The following STPG4 variants were observed in gnomAD, a reference collection of about 807,000 sequenced individuals.
STPG4 encodes sperm-tail PG-rich repeat containing 4.
In STPG4, 41 loss-of-function variants were observed where a neutral mutation model predicts 31.5. That is an observed-to-expected ratio of 1.30 (90% CI 1.01 to 1.69). The LOEUF (loss-of-function observed/expected upper bound fraction) is 1.69, where lower values mean the gene tolerates loss of function less well. STPG4 is among the 40% of genes most tolerant of loss of function. The probability of loss-of-function intolerance (pLI) is 0.00; values close to 1 mark genes in which losing one functional copy is unlikely to be tolerated. For synonymous variants in STPG4, 141 were observed against 103.0 expected, an observed-to-expected ratio of 1.37 and a Z score of -2.24; for missense variants, 375 against 293.4, an observed-to-expected ratio of 1.28 and a Z score of -2.03.
At chr2:47,141,473 T>C (rs1021268075) in intron 3 of STPG4, among the ~76,000 whole-genome samples, 1 of 152,010 alleles carries the variant, frequency 6.6e-6, no homozygotes, top group Non-Finnish European at 1.5e-5. Context: ...CTTTCAAACT[T>C]CACTTTTGTT....
At chr2:47,101,036 G>A (rs1202685424) in intron 5 of STPG4, among the ~76,000 whole-genome samples, 1 of 152,020 alleles carries the variant, frequency 6.6e-6, no homozygotes, top group East Asian at 1.9e-4. Context: ...CAATCGCCAA[G>A]CGGTGAGACC....
chr2:47,112,253 G>C, intron 5 of STPG4, among the ~76,000 whole-genome samples: 1 of 152,152 alleles, frequency 6.6e-6, no homozygotes, highest in Non-Finnish European at 1.5e-5. Context: ...TGCAAACTCT[G>C]CCTCTCAGGT....
chr2:47,143,265 G>C (rs1230908027), intron 3 of STPG4, among the ~76,000 whole-genome samples: 1 of 152,136 alleles, frequency 6.6e-6, no homozygotes, highest in East Asian at 1.9e-4. Flanking sequence ...ATTTGCACCA[G>C]TTTGTATTCA....
chr2:47,110,438 G>T (rs1163655124), intron 5 of STPG4, among the ~76,000 whole-genome samples: 1 of 152,090 alleles, frequency 6.6e-6, no homozygotes, highest in Non-Finnish European at 1.5e-5. Flanking sequence ...CACTAAACAT[G>T]CAAAAATTAG....
rs1573139881 is a variant in STPG4 at position 47,089,137 on chromosome 2, A to T, written c.624+1133T>A. Among the ~76,000 whole-genome samples, 9 of 152,336 alleles carry T rather than the reference A, an allele frequency of 5.9e-5. No homozygotes were observed. The South Asian group carries it at 1.9e-3, about 32-fold the overall frequency. On this transcript the variant is annotated intron_variant, in intron 6 of 6. Coordinates refer to ENST00000445927, the MANE Select transcript of STPG4 (RefSeq NM_001163561.2). ...TGGTGAATGCTTAGAAGTTAACACT[A>T]CATCTTCTGTTGCCTGGGAGTTTGG...
chr2:47,150,497 C>G (rs1040665035), intron 3 of STPG4, among the ~76,000 whole-genome samples: 16 of 151,534 alleles, frequency 1.1e-4, no homozygotes, highest in African/African-American at 3.9e-4. Flanking sequence ...ATGCTCACTT[C>G]TTTTCTTTTT....
chr2:47,154,536 G>T (rs1260607505), intron 1 of STPG4, among the ~76,000 whole-genome samples: 1 of 152,218 alleles, frequency 6.6e-6, no homozygotes, highest in African/African-American at 2.4e-5. Flanking sequence ...AAAGATAAAA[G>T]ATTAGGTTAA....
At chr2:47,110,078 GAT>G (rs1269842153) in intron 5 of STPG4, among the ~76,000 whole-genome samples, 2 of 151,314 alleles carry the variant, frequency 1.3e-5, no homozygotes, top group African/African-American at 4.9e-5. Context: ...TATCAGGAAA[GAT>G]GTGTGTGTCT....
At chr2:47,134,602 T>C (rs1015012280) in intron 3 of STPG4, among the ~76,000 whole-genome samples, 2 of 152,270 alleles carry the variant, frequency 1.3e-5, no homozygotes, top group South Asian at 2.1e-4. Context: ...TATCCATTCA[T>C]CTACTTAGCA....
intron 5 of STPG4, among the ~76,000 whole-genome samples, chr2:47,106,937 T>C (rs1182979995): frequency 6.6e-6 from 1 of 151,986 alleles, no homozygotes; most frequent in Non-Finnish European, 1.5e-5. Context: ...CGAGGACCCC[T>C]GGACCGACCC....
intron 3 of STPG4, among the ~76,000 whole-genome samples, chr2:47,138,770 G>A (rs949249140): frequency 3.9e-5 from 6 of 152,148 alleles, no homozygotes; most frequent in African/African-American, 9.7e-5. Flanking sequence ...GGATAGTCTC[G>A]ATCTCTTGAC....
chr2:47,141,843 C>G (rs1686717783), intron 3 of STPG4, among the ~76,000 whole-genome samples: 1 of 150,476 alleles, frequency 6.6e-6, no homozygotes, highest in African/African-American at 2.5e-5. Context: ...CATTTTACCA[C>G]TTTAGTGAAC....
Position 47,142,836 on chromosome 2 carries a change from C to CTTTTTTTTT in STPG4, c.399+8413_399+8421dup, listed in dbSNP as rs10686388. On this transcript the variant is annotated intron_variant, in intron 3 of 6. Transcript: ENST00000445927. ...ATCAACACATATAGATTTATCTCAT[C>CTTTTTTTTT]TTTTTTTTTTTTTTTTTTTTTTTTG... Among the ~76,000 whole-genome samples, 12 of 73,846 alleles carry CTTTTTTTTT rather than the reference C, an allele frequency of 1.6e-4. 1 individual carries two copies. The highest frequency in any genetic ancestry group is 1.5e-3 in the East Asian group (3 of 2,054). 48.4% of individuals were successfully genotyped at this position (73,846 alleles called of 152,430 possible).
rs527975255 is a variant in STPG4, at chr2:47,107,750, G to A, written c.520-17376C>T. Among the ~76,000 whole-genome samples the A allele has an allele frequency of 5.3e-5, 8 of 152,300 alleles. No individual in the cohort carries two copies. In the East Asian group the frequency reaches 1.5e-3, roughly 29 times the overall value. ...TGAAGCCAGCTGGGCTCCTGAGTCTGGTGGGGACGTGGAGAACCTTTATGT... is the reference window on the plus strand; with the variant it reads ...TGAAGCCAGCTGGGCTCCTGAGTCTAGTGGGGACGTGGAGAACCTTTATGT... On this transcript the variant is annotated intron_variant, in intron 5 of 6. Transcript: ENST00000445927.
rs115340807 is a variant in STPG4 at position 47,090,273 on chromosome 2, A to G, written c.621T>C (p.Cys207=). 1.5e-3 allele frequency: 2,264 copies of G among 1,549,478 alleles called. 34 individuals carry two copies. In the African/African-American group the frequency reaches 0.026, roughly 18 times the overall value. Residue 207 remains cysteine, a synonymous_variant, in exon 6 of 7, where the codon TGT becomes TGC. Coordinates refer to ENST00000445927, the MANE Select transcript of STPG4 (RefSeq NM_001163561.2). ...ATCTGTCTTTCCGAATACTTACTGA[A>G]CAGCTGGGCAAGAATCGAGGGACTC... ...QSRVPRFLPS[C]SKTPGPGAYT... is the part of the protein sequence containing the mutation.
At chr2:47,096,050 G>T (rs1395056301) in intron 5 of STPG4, among the ~76,000 whole-genome samples, 1 of 152,166 alleles carries the variant, frequency 6.6e-6, no homozygotes, top group Non-Finnish European at 1.5e-5. Flanking sequence ...CTGTATACAA[G>T]AGAGAAATCA....
intron 2 of STPG4, among the ~76,000 whole-genome samples, 177 bp downstream of exon 2, chr2:47,152,780 A>G (rs1042958093): frequency 4.6e-5 from 7 of 152,232 alleles, no homozygotes; most frequent in Admixed American, 3.9e-4. Flanking sequence ...TCAAAATTAA[A>G]AGTTAGTTTC....
chr2:47,127,561 A>T (rs1255637211), intron 5 of STPG4, among the ~76,000 whole-genome samples: 1 of 151,960 alleles, frequency 6.6e-6, no homozygotes, highest in African/African-American at 2.4e-5. Flanking sequence ...GAGCCACTGC[A>T]CCCCATCCAA....
intron 5 of STPG4, among the ~76,000 whole-genome samples, chr2:47,114,334 A>G (rs754590025): frequency 7.3e-5 from 11 of 151,484 alleles, no homozygotes; most frequent in Non-Finnish European, 1.6e-4. Flanking sequence ...GTGAAATCCC[A>G]TCTCTACTGA....
Sources: gnomAD v4.1 joint callset for allele counts (sites outside exome capture counted in the v4.1 genomes callset) on GRCh38, gnomAD v4.1.1 for gene constraint, MANE v1.5 for transcripts, NCBI Gene and HGNC (gene_info 2026-07-23, HGNC 2026-07-21) for gene names.